The following AGAP1 variants were observed in gnomAD, a reference collection of about 807,000 sequenced individuals.
AGAP1 encodes the protein arf-GAP with GTPase, ANK repeat and PH domain-containing protein 1.
A neutral mutation model predicts 105.3 loss-of-function variants in AGAP1; 29 were observed. That is an observed-to-expected ratio of 0.28 (90% confidence interval 0.21 to 0.38). The LOEUF (loss-of-function observed/expected upper bound fraction) is 0.38. AGAP1 is among the 10% of genes least tolerant of loss of function. The pLI is 1.00. For synonymous variants in AGAP1, 509 were observed against 485.9 expected (o/e 1.05, Z -0.63); for missense variants, 998 against 1,165.1 (o/e 0.86, Z 2.09).
intron 10 of AGAP1, among the ~76,000 whole-genome samples, chr2:235,890,366 G>T (rs2050479227): frequency 6.6e-6 from 1 of 151,960 alleles, no homozygotes; most frequent in Non-Finnish European, 1.5e-5. Context: ...TGCCCAAGCT[G>T]GTCTCAAACT....
In AGAP1 at chr2:235,621,167, G is replaced by A. The variant is rs1031687618; in HGVS notation, c.164-88012G>A. Among the ~76,000 whole-genome samples, 18 of 152,134 alleles carry A rather than the reference G, an allele frequency of 1.2e-4. No individual in the cohort carries two copies. Among genetic ancestry groups the A allele is most frequent in the Non-Finnish European group, 2.2e-4 (15 of 67,980 alleles). On this transcript the variant is annotated intron_variant, in intron 1 of 17. Transcript: ENST00000304032. The surrounding 1 kb of genome is among the most constrained non-coding windows in gnomAD (Gnocchi z 4.1). ...CTCCGGAGGAGCTGAGACTACAGGCGCCCGCCACCACACCCGGCTATTTTT... is the reference window on the plus strand; with the variant it reads ...CTCCGGAGGAGCTGAGACTACAGGCACCCGCCACCACACCCGGCTATTTTT...
At position 235,642,878 on chromosome 2, in the gene AGAP1, C is replaced by CCT. The variant is rs1242998933; in HGVS notation, c.164-66300_164-66299dup. On this transcript the variant is annotated intron_variant, in intron 1 of 17. Coordinates refer to ENST00000304032, the MANE Select transcript of AGAP1 (RefSeq NM_001037131.3). This position sits in a 1 kb window ranked among gnomAD's most constrained non-coding sequence, Gnocchi z 4.1. ...CTGAGTCTTGGCAGATTTCTCGTGG[C>CCT]CTAGACTGTGGTGTTTGGGGCCGCC... 6.6e-6 allele frequency among the ~76,000 whole-genome samples: 1 copy of CCT among 152,188 alleles called. No individual in the cohort carries two copies. The highest frequency in any genetic ancestry group is 1.9e-4 in the East Asian group (1 of 5,180).
intron 1 of AGAP1, among the ~76,000 whole-genome samples, chr2:235,593,304 G>A (rs931430692): frequency 2.0e-5 from 3 of 152,188 alleles, no homozygotes; most frequent in African/African-American, 4.8e-5. Context: ...GCAGAGACCC[G>A]AGACTGAGCT....
rs1327293695 is a variant in AGAP1 at position 235,516,509 on chromosome 2, G to A, written c.163+21660G>A. Among the ~76,000 whole-genome samples the A allele has an allele frequency of 2.0e-5, 3 of 152,244 alleles. No individual in the cohort carries two copies. The East Asian group carries it at 5.8e-4, about 29-fold the overall frequency. ...GCTTTCAGGAAAGCCTTTTGAATTT[G>A]GAGCCTCTGTTTCCTCTAGCTTTAC... On this transcript the variant is annotated intron_variant, in intron 1 of 17. Coordinates refer to ENST00000304032, the MANE Select transcript of AGAP1 (RefSeq NM_001037131.3).
rs2051318844 is a variant in AGAP1 at position 235,906,635 on chromosome 2, T to G, written c.1156-2103T>G. On this transcript the variant is annotated intron_variant, in intron 10 of 17. Transcript: ENST00000304032. This position sits in a 1 kb window ranked among gnomAD's most constrained non-coding sequence, Gnocchi z 5.3. ...ACTCCATGTGGCAGCCTGTAAGTCA[T>G]GTTGGTTGCGGGAAGGTCTACATTG... Among the ~76,000 whole-genome samples the G allele has an allele frequency of 6.6e-6, 1 of 151,362 alleles. No homozygotes were observed. The highest frequency in any genetic ancestry group is 1.5e-5 in the Non-Finnish European group (1 of 68,036).
At position 235,586,452 on chromosome 2, in the gene AGAP1, G is replaced by A. The variant is rs547785751; in HGVS notation, c.163+91603G>A. Among the ~76,000 whole-genome samples, 12 of 152,360 alleles carry A rather than the reference G, an allele frequency of 7.9e-5. No individual in the cohort carries two copies. Among genetic ancestry groups the A allele is most frequent in the Admixed American group, 6.5e-4 (10 of 15,308 alleles). On this transcript the variant is annotated intron_variant, in intron 1 of 17. Coordinates refer to ENST00000304032, the MANE Select transcript of AGAP1 (RefSeq NM_001037131.3). This position sits in a 1 kb window ranked among gnomAD's most constrained non-coding sequence, Gnocchi z 4.2. ...ACTCCCCTGTGGAAGGCAAGGTGGA[G>A]GCAGCTGTTATGTGGTGTGTTGGAT...
At position 236,045,797 on chromosome 2, in the gene AGAP1, C is replaced by G. The variant is rs998048018; in HGVS notation, c.1892-3262C>G. ...CAGTGGTGATGCTTAGATACCAACCCTTGCCGATGAGTCATTCTCTGCTGG... is the reference window on the plus strand; with the variant it reads ...CAGTGGTGATGCTTAGATACCAACCGTTGCCGATGAGTCATTCTCTGCTGG... On this transcript the variant is annotated intron_variant, in intron 15 of 17. Transcript: ENST00000304032. The surrounding 1 kb of genome is among the most constrained non-coding windows in gnomAD (Gnocchi z 6.9). The G allele has an allele frequency of 1.0e-5, 4 of 385,316 alleles. No homozygotes were observed. The highest frequency in any genetic ancestry group is 6.3e-5 in the African/African-American group (3 of 47,788). The allele number at this position is 385,316 out of a possible 1,614,324, so 23.9% of individuals were successfully genotyped here.
rs1559286951 is a variant in AGAP1 at position 235,609,802 on chromosome 2, G to A, written c.164-99377G>A. ...CACAGGCCAGAAAGTGTAGTGGGAG[G>A]CTGTGGGCATATTTGGCGCTTGGCA... On this transcript the variant is annotated intron_variant, in intron 1 of 17. Transcript: ENST00000304032. This position sits in a 1 kb window ranked among gnomAD's most constrained non-coding sequence, Gnocchi z 5.1. 6.6e-6 allele frequency among the ~76,000 whole-genome samples: 1 copy of A among 152,060 alleles called. No individual in the cohort carries two copies. Among genetic ancestry groups the A allele is most frequent in the Non-Finnish European group, 1.5e-5 (1 of 68,032 alleles).
At chr2:235,846,655 G>A (rs886624279) in intron 9 of AGAP1, among the ~76,000 whole-genome samples, 1 of 150,654 alleles carries the variant, frequency 6.6e-6, no homozygotes, top group Non-Finnish European at 1.5e-5. Context: ...ATAATTTTTT[G>A]TTGTTGTTTT....
At chr2:235,876,170 T>TA (rs2049717480) in intron 9 of AGAP1, among the ~76,000 whole-genome samples, 1 of 152,216 alleles carries the variant, frequency 6.6e-6, no homozygotes, top group South Asian at 2.1e-4. Flanking sequence ...AAATTGCAAA[T>TA]ACTTGTATCT....
Position 235,517,298 on chromosome 2 carries a change from G to A in AGAP1, c.163+22449G>A, listed in dbSNP as rs1942429108. ...TTATCTCCAGCGACAGTCACCTTGG[G>A]GTGTGAGCCTCTGCAGAGGAATTTG... On this transcript the variant is annotated intron_variant, in intron 1 of 17. Coordinates refer to ENST00000304032, the MANE Select transcript of AGAP1 (RefSeq NM_001037131.3). The surrounding 1 kb of genome is among the most constrained non-coding windows in gnomAD (Gnocchi z 4.1). Among the ~76,000 whole-genome samples the A allele has an allele frequency of 6.6e-6, 1 of 152,130 alleles. No homozygotes were observed. Among genetic ancestry groups the A allele is most frequent in the South Asian group, 2.1e-4 (1 of 4,818 alleles).
At chr2:235,504,826 C>T (rs781673685) in intron 1 of AGAP1, among the ~76,000 whole-genome samples, 9 of 152,194 alleles carry the variant, frequency 5.9e-5, no homozygotes, top group Admixed American at 5.9e-4. Context: ...GTTTGCATGG[C>T]TAATGCATTT....
rs1231464025 is a variant in AGAP1 at position 235,664,816 on chromosome 2, C to T, written c.164-44363C>T. On this transcript the variant is annotated intron_variant, in intron 1 of 17. Coordinates refer to ENST00000304032, the MANE Select transcript of AGAP1 (RefSeq NM_001037131.3). This position sits in a 1 kb window ranked among gnomAD's most constrained non-coding sequence, Gnocchi z 5.7. ...TCTGTAATGTGGCAGTTCCCATTCTCAGAGGATAAAGTACGTGTGAGTGAT... is the reference window on the plus strand; with the variant it reads ...TCTGTAATGTGGCAGTTCCCATTCTTAGAGGATAAAGTACGTGTGAGTGAT... Among the ~76,000 whole-genome samples the T allele has an allele frequency of 1.3e-5, 2 of 152,230 alleles. No individual in the cohort carries two copies. The highest frequency in any genetic ancestry group is 2.1e-4 in the South Asian group (1 of 4,820).
chr2:235,795,811 T>C (rs61223934), intron 6 of AGAP1, among the ~76,000 whole-genome samples: 2,965 of 152,332 alleles, frequency 0.019, 95 homozygotes, highest in African/African-American at 0.068. Context: ...ACTTTGTACA[T>C]CCTGTCTGTA....
At chr2:235,717,847 G>A (rs185726199) in intron 3 of AGAP1, among the ~76,000 whole-genome samples, 32 of 152,268 alleles carry the variant, frequency 2.1e-4, no homozygotes, top group Non-Finnish European at 3.1e-4. Context: ...CTGGAATAGC[G>A]CAGTAGAACC....
At chr2:235,808,218 A>G (rs906974058) in intron 9 of AGAP1, among the ~76,000 whole-genome samples, 1 of 152,204 alleles carries the variant, frequency 6.6e-6, no homozygotes, top group African/African-American at 2.4e-5. Flanking sequence ...CTCTGTGGGC[A>G]GGAGAATGGC....
intron 1 of AGAP1, among the ~76,000 whole-genome samples, chr2:235,603,689 T>C (rs543671767): frequency 6.6e-6 from 1 of 152,248 alleles, no homozygotes; most frequent in African/African-American, 2.4e-5. Flanking sequence ...TTCAGTGATT[T>C]GTTTTTCAAA....
intron 1 of AGAP1, among the ~76,000 whole-genome samples, chr2:235,515,547 G>A (rs1035009855): frequency 1.3e-5 from 2 of 152,182 alleles, no homozygotes; most frequent in African/African-American, 4.8e-5. Flanking sequence ...CTGTCAACAC[G>A]GAGTTGTTTG....
At chr2:235,695,250 T>C (rs1949942552) in intron 1 of AGAP1, among the ~76,000 whole-genome samples, 2 of 152,198 alleles carry the variant, frequency 1.3e-5, no homozygotes, top group African/African-American at 2.4e-5. Context: ...ATAATAGCTC[T>C]TAGAGGTGTA....
Sources: gnomAD v4.1 joint callset for allele counts (sites outside exome capture counted in the v4.1 genomes callset) on GRCh38, gnomAD v4.1.1 for gene constraint, Gnocchi (gnomAD v3.1) non-coding constraint, MANE v1.5 for transcripts, NCBI Gene and HGNC (gene_info 2026-07-23, HGNC 2026-07-21) for gene names.